Variants in PIEZO2 observed in about 807,000 individuals in gnomAD.
The protein encoded by PIEZO2 is piezo type mechanosensitive ion channel component 2.
PIEZO2 carries 172 observed loss-of-function variants against 337.3 expected under a neutral mutation model. The ratio of observed to expected loss-of-function variants is 0.51; its 90% CI spans 0.45 to 0.58. The LOEUF is 0.58. PIEZO2 is among the 20% of genes least tolerant of loss of function. The probability of loss-of-function intolerance (pLI) is 0.00; values close to 1 mark genes in which losing one functional copy is unlikely to be tolerated. For synonymous variants in PIEZO2, 1,251 were observed against 1,228.5 expected (o/e 1.02, Z -0.38); for missense variants, 3,028 against 3,391.3 (o/e 0.89, Z 2.66).
chr18:10,782,243 T>A (rs1453881937), intron 17 of PIEZO2, among the ~76,000 whole-genome samples: 7 of 125,894 alleles, frequency 5.6e-5, no homozygotes, highest in Non-Finnish European at 7.9e-5. Context: ...GATTATATAT[T>A]ATATGATATA....
chr18:10,757,990 A>C lies in PIEZO2; in HGVS notation c.3902T>G (p.Val1301Gly). 1 of 1,536,030 alleles carries C rather than the reference A, an allele frequency of 6.5e-7. No homozygotes were observed. Among genetic ancestry groups the C allele is most frequent in the South Asian group, 1.2e-5 (1 of 83,786 alleles). ...TTACCTGCAGTGAATAAAATCTGGC[A>C]CAGGGTTATGTTGGCTGAAGGAGGC... ...DAASFSQHNP[V>G]PDFIHCRSYL... The change falls in exon 27 of 56, where the codon GTG (valine) becomes GGG (glycine). Residue 1301 changes from valine to glycine, a missense_variant. Around this residue, in one of 5 missense-constraint regions of PIEZO2, gnomAD observed 1,925 missense variants for 2,051.9 expected, o/e 0.94. Coordinates refer to ENST00000674853, the MANE Select transcript of PIEZO2 (RefSeq NM_001378183.1).
chr18:10,711,490 A>C (rs2035818449), intron 39 of PIEZO2, among the ~76,000 whole-genome samples: 1 of 152,202 alleles, frequency 6.6e-6, no homozygotes, highest in African/African-American at 2.4e-5. Context: ...ATATGGCTTC[A>C]TGAAATTTCA....
In PIEZO2 at chr18:10,813,159, T is replaced by G. The variant is rs2040251063; in HGVS notation, c.918-5885A>C. ...CACGCTCAGCTAAGTTTTTGTATTT[T>G]TAGTAGAGAAGGGATTTCACCATGT... On this transcript the variant is annotated intron_variant, in intron 7 of 55. Coordinates refer to ENST00000674853, the MANE Select transcript of PIEZO2 (RefSeq NM_001378183.1). This position sits in a 1 kb window ranked among gnomAD's most constrained non-coding sequence, Gnocchi z 4.2. Among the ~76,000 whole-genome samples the G allele has an allele frequency of 6.6e-6, 1 of 152,046 alleles. No individual in the cohort carries two copies. Among genetic ancestry groups the G allele is most frequent in the Non-Finnish European group, 1.5e-5 (1 of 68,002 alleles).
chr18:10,897,105 G>A (rs2042921686), intron 4 of PIEZO2, among the ~76,000 whole-genome samples: 1 of 152,146 alleles, frequency 6.6e-6, no homozygotes, highest in Non-Finnish European at 1.5e-5. Context: ...TGTTGTGGGA[G>A]GAACCCGGTG....
chr18:10,991,155 TACACACACACACAC>T (rs374157292), intron 2 of PIEZO2, among the ~76,000 whole-genome samples: 2 of 140,550 alleles, frequency 1.4e-5, no homozygotes, highest in African/African-American at 5.2e-5. Context: ...GAAGGTTTTA[TACACACACACACAC>T]ACACACACAC....
chr18:11,037,599 G>A lies in PIEZO2; in HGVS notation c.160+28528C>T, dbSNP rs140665341. On this transcript the variant is annotated intron_variant, in intron 2 of 55. Transcript: ENST00000674853. Reference sequence around the variant, plus strand: ...AGAAGAGAGAGATTATTATGGATTGGAATGAGAGGGAACTTCATAAAAGAA... The same window carrying A: ...AGAAGAGAGAGATTATTATGGATTGAAATGAGAGGGAACTTCATAAAAGAA... Among the ~76,000 whole-genome samples, 422 of 152,226 alleles carry A rather than the reference G, an allele frequency of 2.8e-3. 2 individuals carry two copies. Among genetic ancestry groups the A allele is most frequent in the African/African-American group, 9.8e-3 (407 of 41,540 alleles).
At chr18:11,061,424 G>A (rs1188542675) in intron 2 of PIEZO2, among the ~76,000 whole-genome samples, 3 of 150,620 alleles carry the variant, frequency 2.0e-5, no homozygotes, top group African/African-American at 7.3e-5. Flanking sequence ...GGCAGGAGAA[G>A]GAAATAAAGG....
rs192925309 is a variant in PIEZO2, at chr18:10,864,601, A to G, written c.492+6652T>C. ...TCCTGGCACATAGTAGGCTCTCAGT[A>G]AAGATATACTGAATAAATAAACATG... On this transcript the variant is annotated intron_variant, in intron 5 of 55. Transcript: ENST00000674853. Among the ~76,000 whole-genome samples the G allele has an allele frequency of 4.0e-3, 614 of 152,370 alleles. 4 individuals carry two copies. The highest frequency in any genetic ancestry group is 0.014 in the African/African-American group (588 of 41,590).
At chr18:11,079,813 T>C (rs1283093898) in intron 1 of PIEZO2, among the ~76,000 whole-genome samples, 1 of 152,180 alleles carries the variant, frequency 6.6e-6, no homozygotes, top group Non-Finnish European at 1.5e-5. Context: ...TGAAAAAGCA[T>C]GTCTACCAAT....
chr18:11,064,091 G>A (rs550473602), intron 2 of PIEZO2, among the ~76,000 whole-genome samples: 2 of 152,130 alleles, frequency 1.3e-5, no homozygotes, highest in South Asian at 2.1e-4. Context: ...TCGGAAATTT[G>A]TGTTGGGCCA....
intron 2 of PIEZO2, among the ~76,000 whole-genome samples, chr18:11,055,975 T>A (rs2037719834): frequency 6.6e-6 from 1 of 152,182 alleles, no homozygotes; most frequent in East Asian, 1.9e-4. Context: ...GAGATCTGGT[T>A]CCCCAGCAAT....
intron 36 of PIEZO2, among the ~76,000 whole-genome samples, chr18:10,730,736 T>G (rs558842356): frequency 6.6e-6 from 1 of 152,342 alleles, no homozygotes; most frequent in South Asian, 2.1e-4. Context: ...TGGCTATTTA[T>G]TTATTTTTTA....
At chr18:10,811,718 CAG>C (rs1195735218) in intron 7 of PIEZO2, among the ~76,000 whole-genome samples, 1 of 152,186 alleles carries the variant, frequency 6.6e-6, no homozygotes, top group Admixed American at 6.5e-5. Context: ...TCATACATAG[CAG>C]AGAGTTATTT....
intron 49 of PIEZO2, among the ~76,000 whole-genome samples, chr18:10,686,487 C>G (rs956114936): frequency 5.9e-5 from 9 of 152,180 alleles, no homozygotes; most frequent in African/African-American, 1.9e-4. Flanking sequence ...TAGGGAGGCA[C>G]TGAGATATGT....
Position 10,786,906 on chromosome 18 carries a change from A to G in PIEZO2, c.2318+130T>C, listed in dbSNP as rs865914297. The G allele has an allele frequency of 3.2e-6, 3 of 932,194 alleles. No homozygotes were observed. In the Admixed American group the frequency reaches 9.5e-5, roughly 29 times the overall value. 57.7% of individuals were successfully genotyped at this position (932,194 alleles called of 1,614,324 possible). On this transcript the variant is annotated intron_variant, in intron 16 of 55. Transcript: ENST00000674853. Reference sequence around the variant, plus strand: ...AGAACACAAAAACGACTCAGTTTTAATTTCTATTATTGAGGAACTTATAGA... The same window carrying G: ...AGAACACAAAAACGACTCAGTTTTAGTTTCTATTATTGAGGAACTTATAGA...
Position 10,784,688 on chromosome 18 carries a change from T to A in PIEZO2, c.2492+96A>T, listed in dbSNP as rs919227051. ...ATGGAAAATTCAAGGCTGAAACTTTTAGATTACTGGCTTCTCGCAAGGTGG... is the reference window on the plus strand; with the variant it reads ...ATGGAAAATTCAAGGCTGAAACTTTAAGATTACTGGCTTCTCGCAAGGTGG... On this transcript the variant is annotated intron_variant, in intron 17 of 55. Coordinates refer to ENST00000674853, the MANE Select transcript of PIEZO2 (RefSeq NM_001378183.1). This position sits in a 1 kb window ranked among gnomAD's most constrained non-coding sequence, Gnocchi z 4.5. 2 of 1,208,814 alleles carry A rather than the reference T, an allele frequency of 1.7e-6. No individual in the cohort carries two copies. Among genetic ancestry groups the A allele is most frequent in the African/African-American group, 3.1e-5 (2 of 65,134 alleles). 74.9% of individuals were successfully genotyped at this position (1,208,814 alleles called of 1,614,324 possible).
rs2040355569 is a variant in PIEZO2 at position 11,132,061 on chromosome 18, CTCAGGGTGA to C, written c.64+16455_64+16463del. On this transcript the variant is annotated intron_variant, in intron 1 of 55. Transcript: ENST00000674853. This position sits in a 1 kb window ranked among gnomAD's most constrained non-coding sequence, Gnocchi z 4.7. Reference sequence around the variant, plus strand: ...CTGAGCCCTCGATATGTCACCTTTCCTCAGGGTGATCAGCCAGCTACCTGGTGGCTGGTT... The same window carrying C: ...CTGAGCCCTCGATATGTCACCTTTCCTCAGCCAGCTACCTGGTGGCTGGTT... 6.6e-6 allele frequency among the ~76,000 whole-genome samples: 1 copy of C among 152,180 alleles called. No homozygotes were observed. Among genetic ancestry groups the C allele is most frequent in the South Asian group, 2.1e-4 (1 of 4,824 alleles).
At position 10,847,584 on chromosome 18, in the gene PIEZO2, C is replaced by T. The variant is rs181331073; in HGVS notation, c.917+7769G>A. Among the ~76,000 whole-genome samples the T allele has an allele frequency of 2.4e-4, 37 of 152,250 alleles. No homozygotes were observed. Among genetic ancestry groups the T allele is most frequent in the East Asian group, 2.3e-3 (12 of 5,170 alleles). On this transcript the variant is annotated intron_variant, in intron 7 of 55. Coordinates refer to ENST00000674853, the MANE Select transcript of PIEZO2 (RefSeq NM_001378183.1). This position sits in a 1 kb window ranked among gnomAD's most constrained non-coding sequence, Gnocchi z 5.7. ...ACCTCATTGCCCTGGGATCCCGGTCCCCACTACACCCACGTAGGCCCCCAA... is the reference window on the plus strand; with the variant it reads ...ACCTCATTGCCCTGGGATCCCGGTCTCCACTACACCCACGTAGGCCCCCAA...
In PIEZO2 at chr18:10,781,456, C is replaced by T. The variant is rs772355272; in HGVS notation, c.2493-1090G>A. On this transcript the variant is annotated intron_variant, in intron 17 of 55. Transcript: ENST00000674853. This position sits in a 1 kb window ranked among gnomAD's most constrained non-coding sequence, Gnocchi z 4.1. ...CTGCACTCCAGCTTGGGCAACAGAG[C>T]GAGACTCCGTTTCAAATAAAAAAAA... Among the ~76,000 whole-genome samples the T allele has an allele frequency of 3.5e-5, 5 of 141,638 alleles. No individual in the cohort carries two copies. The highest frequency in any genetic ancestry group is 7.3e-5 in the Admixed American group (1 of 13,696). The allele number at this position is 141,638 out of a possible 152,430, so 92.9% of individuals were successfully genotyped here. A position where few individuals can be genotyped will look rare whatever the true frequency, so the allele number is the denominator to read the frequency against.
Sources: gnomAD v4.1 joint callset for allele counts (sites outside exome capture counted in the v4.1 genomes callset) on GRCh38, gnomAD v4.1.1 for gene constraint, gnomAD v4.1.1 regional missense constraint, Gnocchi (gnomAD v3.1) non-coding constraint, MANE v1.5 for transcripts, NCBI Gene and HGNC (gene_info 2026-07-23, HGNC 2026-07-21) for gene names.